The following MRPS27 variants were observed in gnomAD, a reference collection of about 807,000 sequenced individuals.
The protein encoded by MRPS27 is small ribosomal subunit protein mS27.
In MRPS27, 43 loss-of-function variants were observed where a neutral mutation model predicts 48.9. The ratio of observed to expected loss-of-function variants is 0.88; its 90% CI spans 0.69 to 1.13. MRPS27 has a LOEUF of 1.13. MRPS27 is among the 50% of genes most tolerant of loss of function. MRPS27 has a pLI of 0.00. For synonymous variants in MRPS27, 188 were observed against 171.9 expected, an observed-to-expected ratio of 1.09 and a Z score of -0.73; for missense variants, 467 against 476.3, an observed-to-expected ratio of 0.98 and a Z score of 0.18.
At chr5:72,254,841 T>C (rs1748755288) in intron 4 of MRPS27, among the ~76,000 whole-genome samples, 1 of 152,126 alleles carries the variant, frequency 6.6e-6, no homozygotes. Context: ...ATTCAGGTCA[T>C]TCAAGAATCG....
At chr5:72,319,183 G>A (rs1482298025) in intron 1 of MRPS27, among the ~76,000 whole-genome samples, 1 of 152,192 alleles carries the variant, frequency 6.6e-6, no homozygotes, top group Non-Finnish European at 1.5e-5. Flanking sequence ...TAGAATCACT[G>A]CAAATTTGGC....
intron 2 of MRPS27, among the ~76,000 whole-genome samples, chr5:72,310,407 G>T (rs149881465): frequency 1.3e-5 from 2 of 152,084 alleles, no homozygotes; most frequent in East Asian, 1.9e-4. Context: ...AAAAAAGAGG[G>T]GGGTGGGGGA....
At chr5:72,304,846 T>C (rs1211065126) in intron 2 of MRPS27, among the ~76,000 whole-genome samples, 1 of 152,218 alleles carries the variant, frequency 6.6e-6, no homozygotes, top group Non-Finnish European at 1.5e-5. Flanking sequence ...ACATTACTGT[T>C]AACCTTTCAG....
In MRPS27 at chr5:72,278,002, T is replaced by G. The variant is rs75034140; in HGVS notation, c.281+17529A>C. The stretch of plus-strand genomic sequence containing the variant: ...ATGCGTGCTGGGCTTAATACTTAGG[T>G]GACAGGTTGATAGCTGCAGCAAACC... On this transcript the variant is annotated intron_variant, in intron 4 of 10. Transcript: ENST00000261413. Among the ~76,000 whole-genome samples, 1,325 of 152,168 alleles carry G rather than the reference T, an allele frequency of 8.7e-3. 28 individuals carry two copies. Among genetic ancestry groups the G allele is most frequent in the African/African-American group, 0.029 (1,206 of 41,500 alleles).
At chr5:72,297,554 C>A (rs2112065402) in intron 3 of MRPS27, 78 bp downstream of exon 3, 1 of 831,428 alleles carries the variant, frequency 1.2e-6, no homozygotes, top group East Asian at 2.7e-5. Context: ...TTTTTATTTA[C>A]ACAGCCTCAT....
intron 4 of MRPS27, among the ~76,000 whole-genome samples, chr5:72,290,696 C>T (rs559618298): frequency 7.2e-5 from 11 of 152,234 alleles, no homozygotes; most frequent in African/African-American, 2.6e-4. Context: ...CAAATATTAA[C>T]AAGAGGGCGT....
chr5:72,319,307 T>C (rs1422343564), intron 1 of MRPS27, among the ~76,000 whole-genome samples: 1 of 152,134 alleles, frequency 6.6e-6, no homozygotes, highest in African/African-American at 2.4e-5. Flanking sequence ...AAGTAACTAA[T>C]AGCATTTATT....
intron 2 of MRPS27, among the ~76,000 whole-genome samples, chr5:72,304,261 CAAA>C (rs1176311692): frequency 6.6e-6 from 1 of 150,528 alleles, no homozygotes; most frequent in Non-Finnish European, 1.5e-5. Context: ...AAAAACAATC[CAAA>C]AGTAAAAATC....
chr5:72,247,066 C>A (rs1748526988), intron 4 of MRPS27, among the ~76,000 whole-genome samples: 2 of 152,258 alleles, frequency 1.3e-5, no homozygotes, highest in South Asian at 4.1e-4. Flanking sequence ...TCAGTTCCTG[C>A]AACTGTAAAA....
chr5:72,239,319 G>A (rs1390424964), intron 4 of MRPS27, among the ~76,000 whole-genome samples: 1 of 152,174 alleles, frequency 6.6e-6, no homozygotes, highest in Non-Finnish European at 1.5e-5. Flanking sequence ...AAGAAAAGGA[G>A]AGGAAGTGAG....
chr5:72,242,697 C>CACACACACACACACACACAA (rs1748391400), intron 4 of MRPS27, among the ~76,000 whole-genome samples: 1 of 150,338 alleles, frequency 6.7e-6, no homozygotes, highest in Admixed American at 6.6e-5. Flanking sequence ...CACACACACA[C>CACACACACACACACACACAA]ACACACACAC....
At chr5:72,223,984 G>T in intron 9 of MRPS27, 134 bp from the exon 10 acceptor site, 1 of 897,148 alleles carries the variant, frequency 1.1e-6, no homozygotes, top group Non-Finnish European at 1.6e-6. Flanking sequence ...TTATAAAATT[G>T]TAGGAAATAT....
intron 4 of MRPS27, among the ~76,000 whole-genome samples, chr5:72,292,654 A>C (rs931541986): frequency 5.3e-5 from 8 of 152,200 alleles, no homozygotes; most frequent in Non-Finnish European, 1.2e-4. Context: ...TTCACTGATC[A>C]TTCAAGGTTT....
chr5:72,281,260 A>G (rs1324350781), intron 4 of MRPS27, among the ~76,000 whole-genome samples: 1 of 152,208 alleles, frequency 6.6e-6, no homozygotes, highest in Non-Finnish European at 1.5e-5. Flanking sequence ...TTCTAAGGGC[A>G]TTATAACGTT....
rs1369550650 is a variant in MRPS27 at position 72,226,184 on chromosome 5, T to C, written c.710A>G (p.Gln237Arg). The C allele has an allele frequency of 6.2e-7, 1 of 1,613,752 alleles. No homozygotes were observed. Among genetic ancestry groups the C allele is most frequent in the Admixed American group, 1.7e-5 (1 of 59,990 alleles). ...GYALLGKVEL[Q>R]QGLRAVYHNM... is the part of the protein sequence containing the mutation. The stretch of plus-strand genomic sequence containing the variant: ...GTGGTACACAGCCCGTAGCCCTTGC[T>C]GCAACTCCACCTTCCCTGTGGCCAA... The change falls in exon 9 of 11, where the codon CAG (glutamine) becomes CGG (arginine). Residue 237 changes from glutamine (Q) to arginine (R), a missense_variant. Physicochemically the swap from Gln to Arg is conservative, Grantham distance 43 (BLOSUM62 1). Coordinates refer to ENST00000261413, the MANE Select transcript of MRPS27 (RefSeq NM_015084.3).
chr5:72,250,671 T>C (rs571736919), intron 4 of MRPS27, among the ~76,000 whole-genome samples: 2 of 152,334 alleles, frequency 1.3e-5, no homozygotes, highest in South Asian at 4.1e-4. Flanking sequence ...ACTGGGTTAT[T>C]ATGAAAATCA....
rs542134921 is a variant in MRPS27, at chr5:72,231,057, A to G, written c.591+1386T>C. On this transcript the variant is annotated intron_variant, in intron 7 of 10. Transcript: ENST00000261413. Reference sequence around the variant, plus strand: ...ACAGTACAGCCAGAAGGACCTTATCAAAACACAGATTTGATTATTATATGC... The same window carrying G: ...ACAGTACAGCCAGAAGGACCTTATCGAAACACAGATTTGATTATTATATGC... 5.0e-4 allele frequency among the ~76,000 whole-genome samples: 76 copies of G among 152,210 alleles called. 1 individual carries two copies. Among genetic ancestry groups the G allele is most frequent in the African/African-American group, 1.7e-3 (72 of 41,548 alleles).
At chr5:72,309,980 G>A (rs1243931960) in intron 2 of MRPS27, among the ~76,000 whole-genome samples, 1 of 152,198 alleles carries the variant, frequency 6.6e-6, no homozygotes, top group Non-Finnish European at 1.5e-5. Flanking sequence ...GCAATGCTGA[G>A]ACTGTCCCGT....
At chr5:72,293,460 CT>C (rs1749886637) in intron 4 of MRPS27, among the ~76,000 whole-genome samples, 2 of 152,120 alleles carry the variant, frequency 1.3e-5, no homozygotes, top group African/African-American at 4.8e-5. Context: ...GGACAAGAGT[CT>C]TTTATTTGAT....
Sources: gnomAD v4.1 joint callset for allele counts (sites outside exome capture counted in the v4.1 genomes callset) on GRCh38, gnomAD v4.1.1 for gene constraint, MANE v1.5 for transcripts, NCBI Gene and HGNC (gene_info 2026-07-23, HGNC 2026-07-21) for gene names.